The following CHCHD6 variants were observed in gnomAD, a reference collection of about 807,000 sequenced individuals.
CHCHD6 encodes coiled-coil-helix-coiled-coil-helix domain containing 6.
In CHCHD6, 28 loss-of-function variants were observed where a neutral mutation model predicts 32.3. The observed-to-expected ratio is 0.87, with a 90% CI of 0.64 to 1.19. CHCHD6 has a LOEUF of 1.19. CHCHD6 is among the 50% of genes most tolerant of loss of function. The probability of loss-of-function intolerance (pLI) is 0.00; values close to 1 mark genes in which losing one functional copy is unlikely to be tolerated. For missense variants in CHCHD6, 333 were observed against 307.0 expected, an observed-to-expected ratio of 1.08 and a Z score of -0.63; for synonymous variants, 122 against 117.5, an observed-to-expected ratio of 1.04 and a Z score of -0.25.
intron 5 of CHCHD6, among the ~76,000 whole-genome samples, chr3:126,868,060 G>A (rs369561198): frequency 1.4e-4 from 21 of 152,192 alleles, no homozygotes; most frequent in African/African-American, 4.3e-4. Context: ...TCCCTGGAGC[G>A]CAAGGTCACC....
intron 5 of CHCHD6, among the ~76,000 whole-genome samples, chr3:126,885,131 A>C (rs1391511428): frequency 6.6e-6 from 1 of 152,158 alleles, no homozygotes; most frequent in African/African-American, 2.4e-5. Context: ...TCCAGGGTGA[A>C]TCTTTACCTG....
At chr3:126,827,445 G>C (rs988766701) in intron 4 of CHCHD6, among the ~76,000 whole-genome samples, 4 of 152,180 alleles carry the variant, frequency 2.6e-5, no homozygotes, top group African/African-American at 9.7e-5. Flanking sequence ...TCCACATGAG[G>C]TTGCCTTGGT....
intron 1 of CHCHD6, 44 bp downstream of exon 1, chr3:126,704,443 G>A: frequency 1.5e-6 from 2 of 1,314,626 alleles, no homozygotes; most frequent in African/African-American, 1.6e-5. Flanking sequence ...GAGGCCGCGG[G>A]CGCGGGGGGG....
chr3:126,751,503 C>CAAAAA (rs774893414), intron 4 of CHCHD6, among the ~76,000 whole-genome samples: 3 of 71,748 alleles, frequency 4.2e-5, no homozygotes, highest in East Asian at 4.8e-4. Context: ...GACCCTGTCT[C>CAAAAA]AAAAAAAAAA....
chr3:126,767,503 GCT>G (rs1937425345), intron 4 of CHCHD6: 1 of 550,758 alleles, frequency 1.8e-6, no homozygotes, highest in South Asian at 2.0e-5. Flanking sequence ...CCTGTTAGGT[GCT>G]CTCTTTTCTG....
At chr3:126,855,826 C>T (rs756134621) in intron 5 of CHCHD6, among the ~76,000 whole-genome samples, 20 of 152,150 alleles carry the variant, frequency 1.3e-4, no homozygotes, top group Non-Finnish European at 2.8e-4. Flanking sequence ...TCAGAGCCGG[C>T]AAATGAGACA....
rs543323928 is a variant in CHCHD6, at chr3:126,794,535, T to A, written c.412-58112T>A. 1.8e-4 allele frequency among the ~76,000 whole-genome samples: 28 copies of A among 152,008 alleles called. 1 individual carries two copies. The South Asian group carries it at 3.3e-3, about 18-fold the overall frequency. On this transcript the variant is annotated intron_variant, in intron 4 of 7. Transcript: ENST00000290913. ...TCTTATTTTTTAAATTGGGTTCATT[T>A]CCTATTTTGCTGGAGTGTTTTCTCC...
At chr3:126,744,576 T>A (rs1936415284) in intron 4 of CHCHD6, among the ~76,000 whole-genome samples, 1 of 152,182 alleles carries the variant, frequency 6.6e-6, no homozygotes. Flanking sequence ...GGAAGCCCAG[T>A]TGGCAGTGGC....
chr3:126,808,063 C>T (rs1367938911), intron 4 of CHCHD6, among the ~76,000 whole-genome samples: 2 of 152,180 alleles, frequency 1.3e-5, no homozygotes, highest in East Asian at 1.9e-4. Flanking sequence ...GATTCACTTG[C>T]CTTTGGATCA....
intron 1 of CHCHD6, among the ~76,000 whole-genome samples, chr3:126,712,228 T>C (rs916420613): frequency 2.0e-5 from 3 of 152,214 alleles, no homozygotes; most frequent in East Asian, 3.8e-4. Context: ...CACTGTACTT[T>C]AGGTGCAGAA....
Position 126,784,312 on chromosome 3 carries a change from C to T in CHCHD6, c.411+51090C>T, listed in dbSNP as rs1002162259. Among the ~76,000 whole-genome samples, 9 of 152,310 alleles carry T rather than the reference C, an allele frequency of 5.9e-5. No individual in the cohort carries two copies. In the East Asian group the frequency reaches 1.7e-3, roughly 29 times the overall value. ...TGCTCTCTTTCCTATTGAACTTTCT[C>T]TTTCCTTTCAATGCATTCTGAAAAC... On this transcript the variant is annotated intron_variant, in intron 4 of 7. Coordinates refer to ENST00000290913, the MANE Select transcript of CHCHD6 (RefSeq NM_032343.3).
chr3:126,787,425 A>G (rs1387919689), intron 4 of CHCHD6, among the ~76,000 whole-genome samples: 2 of 152,068 alleles, frequency 1.3e-5, no homozygotes, highest in East Asian at 1.9e-4. Context: ...CAGTATGGCC[A>G]TTTTCACGAT....
intron 1 of CHCHD6, among the ~76,000 whole-genome samples, chr3:126,721,481 G>C (rs773632130): frequency 1.3e-5 from 2 of 152,112 alleles, no homozygotes; most frequent in Admixed American, 6.5e-5. Flanking sequence ...GGCTGCTTCC[G>C]GCCACTGGAA....
rs542799724 is a variant in CHCHD6 at position 126,914,329 on chromosome 3, T to C, written c.496-351T>C. On this transcript the variant is annotated intron_variant, in intron 5 of 7. Transcript: ENST00000290913. ...TATCATAGCTCCTCAACTCTGCCAT[T>C]GTAGCACAGAAGCAGCCACAGACAA... is the stretch of plus-strand genomic sequence containing the variant. Among the ~76,000 whole-genome samples, 9 of 152,334 alleles carry C rather than the reference T, an allele frequency of 5.9e-5. No homozygotes were observed. In the East Asian group the frequency reaches 1.3e-3, roughly 23 times the overall value.
chr3:126,720,292 G>C (rs1354532573), intron 1 of CHCHD6, among the ~76,000 whole-genome samples: 3 of 152,170 alleles, frequency 2.0e-5, no homozygotes, highest in Admixed American at 2.0e-4. Context: ...GATCACACCT[G>C]TCATGGTTGC....
At chr3:126,784,780 A>G (rs562472060) in intron 4 of CHCHD6, among the ~76,000 whole-genome samples, 1 of 151,888 alleles carries the variant, frequency 6.6e-6, no homozygotes, top group Non-Finnish European at 1.5e-5. Flanking sequence ...CTGTCTCTTC[A>G]CTCACTATTT....
At chr3:126,737,034 T>G (rs1312396993) in intron 4 of CHCHD6, among the ~76,000 whole-genome samples, 1 of 152,108 alleles carries the variant, frequency 6.6e-6, no homozygotes, top group Non-Finnish European at 1.5e-5. Context: ...AGCAAAAACT[T>G]TCTTGGCTGG....
chr3:126,864,136 A>G (rs1278801877), intron 5 of CHCHD6, among the ~76,000 whole-genome samples: 1 of 117,040 alleles, frequency 8.5e-6, no homozygotes, highest in Non-Finnish European at 1.8e-5. Context: ...CTCCTCCACC[A>G]TTACCACCAT....
intron 5 of CHCHD6, among the ~76,000 whole-genome samples, chr3:126,859,941 CTG>C (rs1156836545): frequency 6.6e-6 from 1 of 152,156 alleles, no homozygotes; most frequent in Non-Finnish European, 1.5e-5. Context: ...GTCATGGAGA[CTG>C]ATGCTGGGTT....
Sources: allele counts gnomAD v4.1 joint callset (sites outside exome capture counted in the v4.1 genomes callset), GRCh38; gene constraint gnomAD v4.1.1; transcripts MANE v1.5; gene names NCBI Gene and HGNC (gene_info 2026-07-23, HGNC 2026-07-21).